Variants in ASTN2 observed in about 807,000 individuals in gnomAD.
ASTN2 encodes astrotactin 2.
In ASTN2, 54 loss-of-function variants were observed where a neutral mutation model predicts 139.8. The observed-to-expected ratio is 0.39, with a 90% CI of 0.31 to 0.48. The LOEUF is 0.48. Among genes scored for constraint, ASTN2 ranks in the 20% least tolerant of loss-of-function variants. The probability of loss-of-function intolerance (pLI) is 0.95; values close to 1 mark genes in which losing one functional copy is unlikely to be tolerated. For missense variants in ASTN2, 1,565 were observed against 1,725.1 expected, an observed-to-expected ratio of 0.91 and a Z score of 1.64; for synonymous variants, 756 against 719.5, an observed-to-expected ratio of 1.05 and a Z score of -0.81.
At chr9:117,400,575 TA>T (rs1320800239) in intron 1 of ASTN2, among the ~76,000 whole-genome samples, 5 of 152,144 alleles carry the variant, frequency 3.3e-5, no homozygotes, top group Non-Finnish European at 5.9e-5. Flanking sequence ...AGAGAGAAAG[TA>T]ATTGAAGAAG....
intron 10 of ASTN2, among the ~76,000 whole-genome samples, chr9:116,868,360 G>C (rs756049079): frequency 6.6e-6 from 1 of 152,118 alleles, no homozygotes; most frequent in Admixed American, 6.5e-5. Context: ...CTGTGCACTC[G>C]AATCTGCCTG....
intron 3 of ASTN2, among the ~76,000 whole-genome samples, chr9:117,189,381 C>T (rs1254304435): frequency 1.3e-5 from 2 of 152,126 alleles, no homozygotes; most frequent in East Asian, 1.9e-4. Flanking sequence ...GTGGTTGAAA[C>T]GTTAAGATGG....
At chr9:117,248,409 A>G (rs1055366616) in intron 2 of ASTN2, among the ~76,000 whole-genome samples, 3 of 152,252 alleles carry the variant, frequency 2.0e-5, no homozygotes, top group Admixed American at 2.0e-4. Context: ...AAGACCTTCC[A>G]GTGAAAACAT....
intron 2 of ASTN2, among the ~76,000 whole-genome samples, chr9:117,268,263 G>A (rs993084441): frequency 6.6e-6 from 1 of 152,152 alleles, no homozygotes; most frequent in Non-Finnish European, 1.5e-5. Context: ...TCGATATCAG[G>A]TGAATTAATG....
At chr9:117,083,370 G>C (rs1342569927) in intron 5 of ASTN2, among the ~76,000 whole-genome samples, 1 of 152,176 alleles carries the variant, frequency 6.6e-6, no homozygotes, top group South Asian at 2.1e-4. Flanking sequence ...CTGTGAGATA[G>C]GATTATCATT....
At chr9:117,072,284 T>C (rs2132711008) in intron 5 of ASTN2, among the ~76,000 whole-genome samples, 1 of 152,322 alleles carries the variant, frequency 6.6e-6, no homozygotes, top group African/African-American at 2.4e-5. Context: ...TCCAGCTCCT[T>C]GGGAGGCCTC....
chr9:117,279,452 A>G (rs10983604), intron 2 of ASTN2, among the ~76,000 whole-genome samples: 2 of 152,118 alleles, frequency 1.3e-5, no homozygotes, highest in Non-Finnish European at 2.9e-5. Context: ...ATATTTACCA[A>G]CTTTTAACTG....
intron 3 of ASTN2, among the ~76,000 whole-genome samples, chr9:117,188,872 T>G (rs1033840399): frequency 6.6e-6 from 1 of 152,166 alleles, no homozygotes; most frequent in Non-Finnish European, 1.5e-5. Context: ...ATTATCTATT[T>G]GCAGGCAGGT....
At chr9:116,954,409 T>A (rs1490175936) in intron 10 of ASTN2, among the ~76,000 whole-genome samples, 3 of 152,186 alleles carry the variant, frequency 2.0e-5, no homozygotes, top group Non-Finnish European at 4.4e-5. Context: ...ATAATCTACA[T>A]TTCAAATAAG....
chr9:117,307,481 G>A (rs920924974), intron 1 of ASTN2, among the ~76,000 whole-genome samples: 2 of 152,210 alleles, frequency 1.3e-5, no homozygotes, highest in African/African-American at 2.4e-5. Context: ...ATGTAGATAT[G>A]CACATACGTA....
chr9:116,502,833 G>A (rs1564323698), intron 19 of ASTN2, among the ~76,000 whole-genome samples: 2 of 148,846 alleles, frequency 1.3e-5, no homozygotes, highest in Admixed American at 6.7e-5. Flanking sequence ...ATGAAGGAGG[G>A]AGGGAGAGAG....
At chr9:116,519,089 C>G (rs968931552) in intron 19 of ASTN2, among the ~76,000 whole-genome samples, 1 of 152,136 alleles carries the variant, frequency 6.6e-6, no homozygotes, top group Non-Finnish European at 1.5e-5. Context: ...GAGCACAAGA[C>G]AGGTCAACAA....
At chr9:116,737,682 AATG>A (rs1211602798) in intron 13 of ASTN2, among the ~76,000 whole-genome samples, 8 of 150,898 alleles carry the variant, frequency 5.3e-5, no homozygotes, top group Non-Finnish European at 1.2e-4. Context: ...CCCTAGCAAT[AATG>A]ATAATATTTA....
At chr9:116,488,439 T>A (rs1401781475) in intron 19 of ASTN2, among the ~76,000 whole-genome samples, 2 of 152,026 alleles carry the variant, frequency 1.3e-5, no homozygotes, top group East Asian at 1.9e-4. Context: ...TTGAAAAAAA[T>A]AAAATAAAAA....
intron 15 of ASTN2, 41 bp from the exon 16 acceptor site, chr9:116,725,991 AGG>A (rs1274409937): frequency 6.4e-7 from 1 of 1,565,676 alleles, no homozygotes; most frequent in African/African-American, 1.4e-5. Flanking sequence ...CAGATGTGAG[AGG>A]CTGGCGGCTA....
At chr9:116,472,862 G>A (rs1848857866) in intron 20 of ASTN2, among the ~76,000 whole-genome samples, 1 of 149,332 alleles carries the variant, frequency 6.7e-6, no homozygotes, top group African/African-American at 2.5e-5. Context: ...GGGAGGTGGA[G>A]TTTGCAGTGA....
intron 13 of ASTN2, among the ~76,000 whole-genome samples, chr9:116,764,614 T>C (rs770660162): frequency 2.0e-5 from 3 of 152,198 alleles, no homozygotes; most frequent in Non-Finnish European, 4.4e-5. Flanking sequence ...CCATTTAACC[T>C]CTTTCTGTGG....
intron 20 of ASTN2, among the ~76,000 whole-genome samples, chr9:116,464,654 T>C (rs1848598106): frequency 6.6e-6 from 1 of 152,194 alleles, no homozygotes. Context: ...GGGTAGAATA[T>C]GAGAAACTGC....
At chr9:116,982,992 C>CT (rs1294368747) in intron 7 of ASTN2, among the ~76,000 whole-genome samples, 5 of 152,292 alleles carry the variant, frequency 3.3e-5, no homozygotes, top group African/African-American at 1.2e-4. Context: ...GCAAAGCCTC[C>CT]TTCATAAGCC....
Sources: gnomAD v4.1 joint callset for allele counts (sites outside exome capture counted in the v4.1 genomes callset) on GRCh38, gnomAD v4.1.1 for gene constraint, MANE v1.5 for transcripts, NCBI Gene and HGNC (gene_info 2026-07-23, HGNC 2026-07-21) for gene names.